Variants in MCTP1 observed in about 807,000 individuals in gnomAD.
MCTP1 encodes multiple C2 and transmembrane domain-containing protein 1.
MCTP1 carries 69 observed loss-of-function variants against 120.6 expected under a neutral mutation model. The observed-to-expected ratio is 0.57, with a 90% CI of 0.47 to 0.70. The LOEUF is 0.70. MCTP1 is among the 30% of genes least tolerant of loss of function. The probability of loss-of-function intolerance (pLI) is 0.00; values close to 1 mark genes in which losing one functional copy is unlikely to be tolerated. For synonymous variants in MCTP1, 529 were observed against 493.1 expected (o/e 1.07, Z -0.96); for missense variants, 1,203 against 1,248.8 (o/e 0.96, Z 0.55).
chr5:94,851,633 A>G (rs1323858547), intron 17 of MCTP1, among the ~76,000 whole-genome samples: 1 of 152,074 alleles, frequency 6.6e-6, no homozygotes, highest in East Asian at 1.9e-4. Context: ...TGAATAATAA[A>G]CCTTTTAATT....
At chr5:94,853,383 C>T (rs188430522) in intron 17 of MCTP1, among the ~76,000 whole-genome samples, 2 of 151,976 alleles carry the variant, frequency 1.3e-5, no homozygotes, top group Non-Finnish European at 1.5e-5. Flanking sequence ...TTGATTTTAT[C>T]CTTTCTTTTC....
At chr5:94,852,337 G>T (rs1793917005) in intron 17 of MCTP1, among the ~76,000 whole-genome samples, 1 of 151,726 alleles carries the variant, frequency 6.6e-6, no homozygotes, top group Non-Finnish European at 1.5e-5. Context: ...TTTTTATATT[G>T]CCCTCTTAGG....
At chr5:95,050,740 T>A (rs1206741258) in intron 1 of MCTP1, among the ~76,000 whole-genome samples, 1 of 152,154 alleles carries the variant, frequency 6.6e-6, no homozygotes, top group African/African-American at 2.4e-5. Context: ...AAATTATATC[T>A]CACAAAAAAC....
chr5:94,839,283 A>G (rs1418150775), intron 17 of MCTP1, among the ~76,000 whole-genome samples: 1 of 152,134 alleles, frequency 6.6e-6, no homozygotes, highest in East Asian at 1.9e-4. Flanking sequence ...ATATCCACAA[A>G]ATTTTATAAT....
chr5:95,203,737 T>C (rs993071104), intron 1 of MCTP1, among the ~76,000 whole-genome samples: 1 of 152,234 alleles, frequency 6.6e-6, no homozygotes, highest in South Asian at 2.1e-4. Context: ...CTAATACTTT[T>C]GCTGTTTGAA....
intron 19 of MCTP1, among the ~76,000 whole-genome samples, chr5:94,720,422 A>G (rs1760627199): frequency 6.6e-6 from 1 of 152,174 alleles, no homozygotes; most frequent in Non-Finnish European, 1.5e-5. Flanking sequence ...AAATGTTTTA[A>G]TTGCATTTTT....
chr5:95,146,520 G>A (rs1193657994), intron 1 of MCTP1, among the ~76,000 whole-genome samples: 1 of 152,100 alleles, frequency 6.6e-6, no homozygotes, highest in Non-Finnish European at 1.5e-5. Context: ...AAAGTATTTA[G>A]CACTATAAAC....
At chr5:95,256,435 T>C (rs1356680022) in intron 1 of MCTP1, among the ~76,000 whole-genome samples, 1 of 152,136 alleles carries the variant, frequency 6.6e-6, no homozygotes, top group Non-Finnish European at 1.5e-5. Context: ...GGCTCAGCCA[T>C]GGGAGGAGAG....
intron 1 of MCTP1, among the ~76,000 whole-genome samples, chr5:95,164,142 C>G (rs1044486563): frequency 2.0e-5 from 3 of 152,122 alleles, no homozygotes; most frequent in East Asian, 1.9e-4. Context: ...GTTCTGCATA[C>G]TTTTCTTTGA....
chr5:94,911,149 C>A (rs1262444862), intron 9 of MCTP1, among the ~76,000 whole-genome samples: 1 of 152,066 alleles, frequency 6.6e-6, no homozygotes, highest in Non-Finnish European at 1.5e-5. Flanking sequence ...CTGGAAGGGA[C>A]CTAAGCAGGC....
At chr5:94,868,053 G>T in intron 17 of MCTP1, 1 of 232,730 alleles carries the variant, frequency 4.3e-6, no homozygotes. Flanking sequence ...TTGGAATTAT[G>T]CAATATGTAA....
At chr5:94,978,106 C>T (rs1828526720) in intron 2 of MCTP1, among the ~76,000 whole-genome samples, 1 of 152,078 alleles carries the variant, frequency 6.6e-6, no homozygotes, top group Admixed American at 6.6e-5. Context: ...AAATGGCCAA[C>T]AGGTATATGA....
At chr5:94,980,317 T>C (rs1442435447) in intron 2 of MCTP1, among the ~76,000 whole-genome samples, 1 of 152,128 alleles carries the variant, frequency 6.6e-6, no homozygotes, top group Non-Finnish European at 1.5e-5. Flanking sequence ...TGAATAATCT[T>C]ATAGAAACAA....
chr5:94,896,176 G>A (rs899856181), intron 10 of MCTP1, among the ~76,000 whole-genome samples: 1 of 151,982 alleles, frequency 6.6e-6, no homozygotes, highest in African/African-American at 2.4e-5. Flanking sequence ...ACAAACTGAG[G>A]TTAAAAATTT....
intron 18 of MCTP1, among the ~76,000 whole-genome samples, chr5:94,782,324 A>G (rs1179531346): frequency 2.0e-5 from 3 of 152,142 alleles, no homozygotes; most frequent in Non-Finnish European, 4.4e-5. Flanking sequence ...TTCACTGACC[A>G]TAAGAAACAC....
intron 2 of MCTP1, among the ~76,000 whole-genome samples, chr5:94,981,349 T>C (rs1350129108): frequency 6.6e-6 from 1 of 152,210 alleles, no homozygotes; most frequent in Non-Finnish European, 1.5e-5. Flanking sequence ...ATCCTATTAC[T>C]TTGTTAAGGA....
chr5:95,027,283 T>A (rs1839434192), intron 1 of MCTP1, among the ~76,000 whole-genome samples: 1 of 152,180 alleles, frequency 6.6e-6, no homozygotes, highest in Non-Finnish European at 1.5e-5. Context: ...TGGTTCCAAG[T>A]AAATGTAAAT....
rs183423297 is a variant in MCTP1 at position 95,060,500 on chromosome 5, G to A, written c.721-43016C>T. On this transcript the variant is annotated intron_variant, in intron 1 of 22. Coordinates refer to ENST00000515393, the MANE Select transcript of MCTP1 (RefSeq NM_024717.7). ...AATTTACTTCTAAACTTGAGAAGAT[G>A]AAAAAAGTTTTTTTAAAAAAGGCCA... is the stretch of plus-strand genomic sequence containing the variant. 6.0e-4 allele frequency among the ~76,000 whole-genome samples: 92 copies of A among 152,214 alleles called. 1 individual carries two copies. The highest frequency in any genetic ancestry group is 3.4e-3 in the Middle Eastern group (1 of 294).
chr5:94,762,046 A>C (rs1402514102), intron 19 of MCTP1, among the ~76,000 whole-genome samples: 2 of 152,202 alleles, frequency 1.3e-5, no homozygotes, highest in East Asian at 3.9e-4. Flanking sequence ...GAACCATACG[A>C]GAGATTCAGG....
Sources: allele counts gnomAD v4.1 joint callset (sites outside exome capture counted in the v4.1 genomes callset), GRCh38; gene constraint gnomAD v4.1.1; transcripts MANE v1.5; gene names NCBI Gene and HGNC (gene_info 2026-07-23, HGNC 2026-07-21).